Variants in ANO4 observed in about 807,000 individuals in gnomAD.
ANO4 encodes anoctamin-4.
In ANO4, 69 loss-of-function variants were observed where a neutral mutation model predicts 141.9. The observed-to-expected ratio is 0.49, with a 90% CI of 0.40 to 0.59. The LOEUF is 0.59. Ranked by LOEUF, ANO4 falls within the 20% of genes least tolerant of loss-of-function variation. The pLI is 0.00. For missense variants in ANO4, 894 were observed against 1,162.2 expected (o/e 0.77, Z 3.36); for synonymous variants, 350 against 394.3 (o/e 0.89, Z 1.33).
chr12:100,765,867 T>G (rs1443261254), intron 3 of ANO4, among the ~76,000 whole-genome samples: 1 of 151,956 alleles, frequency 6.6e-6, no homozygotes, highest in Non-Finnish European at 1.5e-5. Flanking sequence ...CAACTAGTTT[T>G]TTTTTTTTGT....
chr12:100,806,270 C>T (rs1291437286), intron 1 of ANO4, among the ~76,000 whole-genome samples: 6 of 152,156 alleles, frequency 3.9e-5, no homozygotes, highest in South Asian at 4.2e-4. Flanking sequence ...AACAGAAGTG[C>T]GCCAGTTTAT....
At chr12:100,844,887 G>C (rs528674451) in intron 1 of ANO4, among the ~76,000 whole-genome samples, 1 of 152,076 alleles carries the variant, frequency 6.6e-6, no homozygotes, top group Non-Finnish European at 1.5e-5. Flanking sequence ...AGAGAGAGAA[G>C]AAAAGAGGAC....
At chr12:100,867,534 G>A (rs1403595862) in intron 1 of ANO4, among the ~76,000 whole-genome samples, 5 of 152,000 alleles carry the variant, frequency 3.3e-5, no homozygotes, top group African/African-American at 9.7e-5. Context: ...GGCCTGTAGA[G>A]GACAAACTGC....
intron 1 of ANO4, among the ~76,000 whole-genome samples, chr12:100,888,393 A>C (rs1459348081): frequency 1.6e-4 from 24 of 152,342 alleles, no homozygotes. Context: ...GGGTCTAGCA[A>C]GGGTGAGGAG....
chr12:101,083,589 T>G (rs1208854930), intron 15 of ANO4, 89 bp from the exon 16 acceptor site: 2 of 1,472,798 alleles, frequency 1.4e-6, no homozygotes, highest in East Asian at 2.5e-5. Flanking sequence ...AGCTGTTGAC[T>G]CTGTTTTATG....
At chr12:100,717,433 A>G (rs1016576107), upstream of ANO4, 8 of 391,174 alleles carry the variant, frequency 2.0e-5, no homozygotes, top group African/African-American at 1.4e-4. Flanking sequence ...AGCCAAGCGC[A>G]TGCACTCGCC....
chr12:100,995,405 G>A (rs1358337437), intron 8 of ANO4, among the ~76,000 whole-genome samples: 1 of 152,192 alleles, frequency 6.6e-6, no homozygotes, highest in Non-Finnish European at 1.5e-5. Context: ...AGTTAGAGGC[G>A]TGGGAGGGAG....
At chr12:101,053,856 A>G (rs554386487) in intron 14 of ANO4, among the ~76,000 whole-genome samples, 4 of 152,332 alleles carry the variant, frequency 2.6e-5, no homozygotes, top group South Asian at 2.1e-4. Flanking sequence ...TTGAGCTACA[A>G]CAGAACATGG....
intron 2 of ANO4, among the ~76,000 whole-genome samples, chr12:100,920,321 A>G (rs192408626): frequency 2.0e-5 from 3 of 152,176 alleles, no homozygotes; most frequent in Admixed American, 2.0e-4. Flanking sequence ...GACTTTGGGC[A>G]AATTACTCCA....
intron 11 of ANO4, among the ~76,000 whole-genome samples, chr12:101,041,642 A>G (rs773316011): frequency 6.6e-6 from 1 of 152,134 alleles, no homozygotes; most frequent in Non-Finnish European, 1.5e-5. Flanking sequence ...GGCTCTGAAA[A>G]ACTCAGTTTT....
intron 13 of ANO4, 55 bp from the exon 14 acceptor site, chr12:101,048,286 A>G (rs2047712590): frequency 6.4e-7 from 1 of 1,566,242 alleles, no homozygotes; most frequent in East Asian, 2.2e-5. Context: ...AAAAAATTTG[A>G]ATTGGAATAT....
intron 21 of ANO4, 72 bp from the exon 22 acceptor site, chr12:101,099,506 C>T (rs528224838): frequency 2.8e-6 from 4 of 1,404,470 alleles, no homozygotes; most frequent in Middle Eastern, 1.9e-4. Context: ...TGTATTCAAA[C>T]TCTCCTTTTT....
chr12:101,009,149 A>G (rs2045982015), intron 8 of ANO4, among the ~76,000 whole-genome samples: 1 of 152,130 alleles, frequency 6.6e-6, no homozygotes, highest in Non-Finnish European at 1.5e-5. Context: ...GGGTCTTTAA[A>G]CAGGTAATTA....
At chr12:100,886,358 C>A (rs1425706000) in intron 1 of ANO4, among the ~76,000 whole-genome samples, 1 of 145,308 alleles carries the variant, frequency 6.9e-6, no homozygotes, top group Non-Finnish European at 1.5e-5. Flanking sequence ...AAATTTCATA[C>A]AAAAGTATGT....
At chr12:100,812,187 AT>A (rs1259711558) in intron 1 of ANO4, among the ~76,000 whole-genome samples, 2 of 152,178 alleles carry the variant, frequency 1.3e-5, no homozygotes, top group Non-Finnish European at 2.9e-5. Context: ...ATGGTTGTCG[AT>A]TGAAATCTAG....
chr12:101,046,017 C>A (rs962968583), intron 13 of ANO4, among the ~76,000 whole-genome samples: 8 of 152,232 alleles, frequency 5.3e-5, no homozygotes, highest in Admixed American at 3.9e-4. Context: ...CCTCTGGAGG[C>A]GTCAGCCACT....
intron 14 of ANO4, among the ~76,000 whole-genome samples, chr12:101,058,158 G>T (rs1333624899): frequency 6.6e-6 from 1 of 152,186 alleles, no homozygotes; most frequent in Non-Finnish European, 1.5e-5. Context: ...GTTTATCAAA[G>T]ATTAGATGGT....
intron 5 of ANO4, among the ~76,000 whole-genome samples, chr12:100,962,038 G>A (rs1205796413): frequency 2.6e-5 from 4 of 152,194 alleles, no homozygotes; most frequent in Non-Finnish European, 1.5e-5. Flanking sequence ...GCAACATAGA[G>A]AACCTCTAAT....
chr12:101,038,691 G>GTT (rs1377574149), intron 10 of ANO4: 2 of 152,156 alleles, frequency 1.3e-5, no homozygotes, highest in East Asian at 3.9e-4. Context: ...TTAGAGAAAG[G>GTT]TGAAACCTCC....
Sources: gnomAD v4.1 joint callset for allele counts (sites outside exome capture counted in the v4.1 genomes callset) on GRCh38, gnomAD v4.1.1 for gene constraint, MANE v1.5 for transcripts, NCBI Gene and HGNC (gene_info 2026-07-23, HGNC 2026-07-21) for gene names.